The following NEMF variants were observed in gnomAD, a reference collection of about 807,000 sequenced individuals.
NEMF encodes nuclear export mediator factor, also known as ribosome quality control complex subunit NEMF.
In NEMF, 89 loss-of-function variants were observed where a neutral mutation model predicts 162.2. That is an observed-to-expected ratio of 0.55 (90% CI 0.46 to 0.65). The LOEUF (loss-of-function observed/expected upper bound fraction) is 0.65. Among genes scored for constraint, NEMF ranks in the 30% least tolerant of loss-of-function variants. NEMF has a pLI of 0.00. For synonymous variants in NEMF, 421 were observed against 404.5 expected (o/e 1.04, Z -0.49); for missense variants, 1,133 against 1,261.9 (o/e 0.90, Z 1.55).
At chr14:49,848,414 A>G (rs1200125802) in intron 3 of NEMF, among the ~76,000 whole-genome samples, 1 of 152,210 alleles carries the variant, frequency 6.6e-6, no homozygotes, top group African/African-American at 2.4e-5. Flanking sequence ...TTTTGTACAA[A>G]TATTGAAGTA....
chr14:49,802,337 T>C lies in NEMF; in HGVS notation c.2095+116A>G, dbSNP rs189323567. On this transcript the variant is annotated intron_variant, in intron 22 of 32. Coordinates refer to ENST00000298310, the MANE Select transcript of NEMF (RefSeq NM_004713.6). ...GTAAAACAGCACGTACTTTGGGTTTTCGGGGTTTTTTTGAAATTTAGATTA... is the reference window on the plus strand; with the variant it reads ...GTAAAACAGCACGTACTTTGGGTTTCCGGGGTTTTTTTGAAATTTAGATTA... 1,310 of 1,154,758 alleles carry C rather than the reference T, an allele frequency of 1.1e-3. 4 individuals carry two copies. Among genetic ancestry groups the C allele is most frequent in the Middle Eastern group, 9.2e-3 (40 of 4,328 alleles). The allele number at this position is 1,154,758 out of a possible 1,614,324, so 71.5% of individuals were successfully genotyped here.
intron 16 of NEMF, among the ~76,000 whole-genome samples, chr14:49,824,684 C>A (rs1594776432): frequency 6.6e-6 from 1 of 152,156 alleles, no homozygotes; most frequent in Non-Finnish European, 1.5e-5. Flanking sequence ...CCACCTCACC[C>A]TCCCAGAGTG....
At chr14:49,840,488 T>C (rs1278531044) in intron 5 of NEMF, among the ~76,000 whole-genome samples, 1 of 150,886 alleles carries the variant, frequency 6.6e-6, no homozygotes, top group Non-Finnish European at 1.5e-5. Flanking sequence ...CCTAAGGACA[T>C]ACATTTGCCT....
At chr14:49,849,251 A>G (rs1181986748) in intron 3 of NEMF, among the ~76,000 whole-genome samples, 2 of 152,236 alleles carry the variant, frequency 1.3e-5, no homozygotes, top group Non-Finnish European at 2.9e-5. Flanking sequence ...AGAAAAATAA[A>G]GACAAAAGGC....
At chr14:49,812,978 T>C (rs1891548112) in intron 18 of NEMF, among the ~76,000 whole-genome samples, 1 of 152,138 alleles carries the variant, frequency 6.6e-6, no homozygotes, top group Non-Finnish European at 1.5e-5. Flanking sequence ...GGTTTCACCA[T>C]GTTAGCCAGG....
chr14:49,823,103 ATT>A (rs1286230224), intron 16 of NEMF, among the ~76,000 whole-genome samples: 1 of 151,474 alleles, frequency 6.6e-6, no homozygotes, highest in Non-Finnish European at 1.5e-5. Flanking sequence ...CACTCAGCTA[ATT>A]TTTTTTGTAT....
At chr14:49,819,722 G>A (rs2139924972) in intron 16 of NEMF, among the ~76,000 whole-genome samples, 2 of 151,960 alleles carry the variant, frequency 1.3e-5, no homozygotes, top group Middle Eastern at 3.4e-3. Flanking sequence ...GCCTATCCCT[G>A]TCTTTATAGA....
intron 25 of NEMF, 120 bp downstream of exon 25, chr14:49,799,355 A>C (rs573614429): frequency 5.2e-5 from 42 of 805,606 alleles, no homozygotes; most frequent in Non-Finnish European, 7.5e-5. Context: ...ATTTGTGCTA[A>C]ATCTTGGTAA....
chr14:49,783,058 C>A lies in NEMF; in HGVS notation c.*1578G>T. On this transcript the variant is annotated 3_prime_UTR_variant, in exon 33 of 33. Transcript: ENST00000298310. ...TTATATGCATTGTTGTAGTTTGCAC[C>A]TGTTGGTTTTAATGTGCATGTGAAT... The A allele has an allele frequency of 8.0e-7, 1 of 1,256,960 alleles. No individual in the cohort carries two copies. The highest frequency in any genetic ancestry group is 1.1e-6 in the Non-Finnish European group (1 of 917,190). The allele number at this position is 1,256,960 out of a possible 1,614,324, so 77.9% of individuals were successfully genotyped here.
chr14:49,846,200 T>A lies in NEMF; in HGVS notation c.297A>T (p.Val99=). 6.2e-7 allele frequency: 1 copy of A among 1,613,750 alleles called. No individual in the cohort carries two copies. Among genetic ancestry groups the A allele is most frequent in the Non-Finnish European group, 8.5e-7 (1 of 1,179,692 alleles). The change falls in exon 4 of 33, where the codon GTA becomes GTT. Residue 99 remains valine (V), a synonymous_variant. Transcript: ENST00000298310. ...SAKQLGVDRI[V]DFQFGSDEAA... The stretch of plus-strand genomic sequence containing the variant: ...CTTCATCACTTCCAAATTGAAAATC[T>A]ACAATTCTATCCACACCAAGCTGTT...
At chr14:49,805,602 T>C (rs1891150791) in intron 19 of NEMF, among the ~76,000 whole-genome samples, 1 of 151,166 alleles carries the variant, frequency 6.6e-6, no homozygotes. Context: ...AAACAGGATA[T>C]GCCTACTTTT....
chr14:49,785,392 T>C, intron 29 of NEMF, 72 bp from the exon 30 acceptor site: 1 of 961,334 alleles, frequency 1.0e-6, no homozygotes, highest in Non-Finnish European at 1.7e-6. Flanking sequence ...AACACTTGAA[T>C]TAGTATCTCA....
chr14:49,852,743 C>G lies in NEMF; in HGVS notation c.11G>C (p.Arg4Pro). The change falls in exon 1 of 33, where the codon CGC becomes CCC. Residue 4 changes from arginine to proline, a missense_variant. Physicochemically the swap from Arg to Pro is moderately radical, Grantham distance 103 (BLOSUM62 -2). Transcript: ENST00000298310. ...GGCGCGGAGGTCAATGGTGCTAAAG[C>G]GGCTCTTCATGGCGAGGCCCGAGGG... MKS[R>P]FSTIDLRAVL... 3 of 1,614,232 alleles carry G rather than the reference C, an allele frequency of 1.9e-6. No homozygotes were observed. The highest frequency in any genetic ancestry group is 2.5e-6 in the Non-Finnish European group (3 of 1,180,054).
intron 25 of NEMF, among the ~76,000 whole-genome samples, chr14:49,799,165 G>A (rs528999106): frequency 1.4e-4 from 16 of 117,758 alleles, no homozygotes; most frequent in Admixed American, 6.4e-4. Flanking sequence ...CCATGACTGC[G>A]CCATAGCACT....
At chr14:49,830,516 C>G (rs943910864) in intron 11 of NEMF, among the ~76,000 whole-genome samples, 5 of 152,134 alleles carry the variant, frequency 3.3e-5, no homozygotes, top group African/African-American at 1.2e-4. Flanking sequence ...GCCTCAGGCT[C>G]CTGAGTAGCT....
chr14:49,836,958 G>GC (rs1355092856), intron 6 of NEMF, among the ~76,000 whole-genome samples: 2 of 152,084 alleles, frequency 1.3e-5, no homozygotes, highest in Non-Finnish European at 2.9e-5. Flanking sequence ...TCCACCTGTG[G>GC]CATCACGTCT....
chr14:49,798,873 C>T (rs1890816081), intron 25 of NEMF, among the ~76,000 whole-genome samples: 2 of 151,970 alleles, frequency 1.3e-5, no homozygotes, highest in South Asian at 4.2e-4. Context: ...TGCCACTGCA[C>T]TCCAGCCTGG....
chr14:49,827,945 T>C (rs934821691), intron 15 of NEMF, among the ~76,000 whole-genome samples: 1 of 152,146 alleles, frequency 6.6e-6, no homozygotes, highest in Non-Finnish European at 1.5e-5. Context: ...AGGGGACTGA[T>C]CAGTGGAAAT....
chr14:49,845,897 G>C lies in NEMF; in HGVS notation c.357+243C>G, dbSNP rs1893476091. On this transcript the variant is annotated intron_variant, in intron 4 of 32. Transcript: ENST00000298310. ...CAAGTACCAAATAATTTACTTCTCA[G>C]ATCTTCATCTCCTACATTCATAAGG... The C allele has an allele frequency of 9.6e-6, 5 of 519,356 alleles. No homozygotes were observed. In the South Asian group the frequency reaches 1.7e-4, roughly 18 times the overall value. 32.2% of individuals were successfully genotyped at this position (519,356 alleles called of 1,614,324 possible). A position where few individuals can be genotyped will look rare whatever the true frequency, so the allele number is the denominator to read the frequency against.
Sources: allele counts gnomAD v4.1 joint callset (sites outside exome capture counted in the v4.1 genomes callset), GRCh38; gene constraint gnomAD v4.1.1; transcripts MANE v1.5; gene names NCBI Gene and HGNC (gene_info 2026-07-23, HGNC 2026-07-21).